PCSK5: variants seen among roughly 807,000 people sequenced by gnomAD.
PCSK5 encodes prohormone convertase 5.
A neutral mutation model predicts 233.2 loss-of-function variants in PCSK5; 129 were observed. The ratio of observed to expected loss-of-function variants is 0.55; its 90% CI spans 0.48 to 0.64. The LOEUF is 0.64. PCSK5 is among the 30% of genes least tolerant of loss of function. The pLI, the probability that PCSK5 is intolerant of heterozygous loss-of-function variation, is 0.00. For missense variants in PCSK5, 2,076 were observed against 2,430.1 expected (o/e 0.85, Z 3.06); for synonymous variants, 825 against 879.2 (o/e 0.94, Z 1.09).
rs868552862 is a variant in PCSK5, at chr9:75,948,179, A to G, written c.297+15696A>G. Among the ~76,000 whole-genome samples the G allele has an allele frequency of 3.4e-4, 51 of 151,996 alleles. 1 individual carries two copies. The highest frequency in any genetic ancestry group is 1.2e-3 in the African/African-American group (50 of 41,356). ...AGATAAATATATATATTTTTATTATACTTTAAGTTCTAGGGTACATGTGTA... is the reference window on the plus strand; with the variant it reads ...AGATAAATATATATATTTTTATTATGCTTTAAGTTCTAGGGTACATGTGTA... On this transcript the variant is annotated intron_variant, in intron 2 of 37. Transcript: ENST00000674117.
At chr9:76,089,885 C>G (rs1357754775) in intron 7 of PCSK5, among the ~76,000 whole-genome samples, 1 of 152,146 alleles carries the variant, frequency 6.6e-6, no homozygotes, top group Middle Eastern at 3.2e-3. Flanking sequence ...CAATTCTTTT[C>G]TATCCTTTAA....
chr9:75,997,816 T>C (rs1827086612), intron 3 of PCSK5, among the ~76,000 whole-genome samples: 1 of 152,240 alleles, frequency 6.6e-6, no homozygotes, highest in Non-Finnish European at 1.5e-5. Context: ...CCAGTCAGTT[T>C]GTCTGGATGG....
At chr9:76,349,424 A>G (rs1441010950) in intron 35 of PCSK5, among the ~76,000 whole-genome samples, 1 of 152,230 alleles carries the variant, frequency 6.6e-6, no homozygotes, top group African/African-American at 2.4e-5. Flanking sequence ...GAGCTAAGAT[A>G]AAAATAAAGT....
rs528308831 is a variant in PCSK5, at chr9:75,911,535, A to G, written c.192+20162A>G. 1.8e-4 allele frequency among the ~76,000 whole-genome samples: 28 copies of G among 152,324 alleles called. No individual in the cohort carries two copies. The South Asian group carries it at 4.3e-3, about 24-fold the overall frequency. On this transcript the variant is annotated intron_variant, in intron 1 of 37. Coordinates refer to ENST00000674117, the MANE Select transcript of PCSK5 (RefSeq NM_001372043.1). ...CGTTCTTGGAACTTATGTGCTCATC[A>G]GAAGAGTGTGCCAACTTGCTTAGAA...
intron 10 of PCSK5, among the ~76,000 whole-genome samples, chr9:76,149,728 A>G (rs1823585469): frequency 6.6e-6 from 1 of 152,154 alleles, no homozygotes; most frequent in Admixed American, 6.5e-5. Context: ...TGGGATCTGG[A>G]TATGATGTGG....
intron 9 of PCSK5, among the ~76,000 whole-genome samples, chr9:76,122,409 T>A (rs1027632651): frequency 6.6e-5 from 10 of 152,210 alleles, no homozygotes; most frequent in Non-Finnish European, 1.5e-5. Context: ...GACTGTTATT[T>A]TCTAATGATA....
intron 20 of PCSK5, among the ~76,000 whole-genome samples, chr9:76,204,390 T>C (rs1825030052): frequency 6.6e-6 from 1 of 152,178 alleles, no homozygotes; most frequent in Non-Finnish European, 1.5e-5. Flanking sequence ...CGAAGTCTGA[T>C]ACCCCTACAC....
At chr9:76,293,934 C>A (rs923092198) in intron 25 of PCSK5, among the ~76,000 whole-genome samples, 1 of 152,298 alleles carries the variant, frequency 6.6e-6, no homozygotes, top group African/African-American at 2.4e-5. Context: ...TGTTGGCTCA[C>A]GCCTGTAATC....
intron 28 of PCSK5, among the ~76,000 whole-genome samples, chr9:76,308,301 A>C (rs1159137543): frequency 6.6e-6 from 1 of 152,252 alleles, no homozygotes; most frequent in Non-Finnish European, 1.5e-5. Flanking sequence ...ACACAAATAC[A>C]AACTCACTCC....
intron 9 of PCSK5, among the ~76,000 whole-genome samples, chr9:76,133,289 G>A (rs565237201): frequency 3.3e-4 from 50 of 152,184 alleles, no homozygotes; most frequent in Admixed American, 1.9e-3. Flanking sequence ...GCATGCATGC[G>A]CTGAGTCAAA....
chr9:76,208,724 T>C (rs996472565), intron 20 of PCSK5, among the ~76,000 whole-genome samples: 3 of 152,214 alleles, frequency 2.0e-5, no homozygotes, highest in African/African-American at 4.8e-5. Flanking sequence ...GTTCAAAAGG[T>C]AAATTCACCA....
rs181610697 is a variant in PCSK5 at position 76,064,984 on chromosome 9, G to A, written c.633-2971G>A. Among the ~76,000 whole-genome samples, 4 of 152,338 alleles carry A rather than the reference G, an allele frequency of 2.6e-5. No individual in the cohort carries two copies. In the East Asian group the frequency reaches 7.7e-4, roughly 29 times the overall value. ...TTACAGGCATGGGCCACTGCATCTG[G>A]CCAGGATTTCATTCTGTTTTATGGC... On this transcript the variant is annotated intron_variant, in intron 5 of 37. Coordinates refer to ENST00000674117, the MANE Select transcript of PCSK5 (RefSeq NM_001372043.1).
intron 20 of PCSK5, among the ~76,000 whole-genome samples, chr9:76,203,881 G>A (rs139140136): frequency 1.3e-5 from 2 of 152,240 alleles, no homozygotes; most frequent in African/African-American, 4.8e-5. Flanking sequence ...AGGCTGCCTG[G>A]GTTCAAATCC....
chr9:75,969,872 CTT>C (rs35326945), intron 2 of PCSK5, among the ~76,000 whole-genome samples: 4 of 138,408 alleles, frequency 2.9e-5, no homozygotes, highest in Admixed American at 7.3e-5. Context: ...TCCAGAAATC[CTT>C]TTTTTTTTTT....
At chr9:76,282,120 CTTTTTTTT>C (rs71372059) in intron 24 of PCSK5, among the ~76,000 whole-genome samples, 9 of 14,508 alleles carry the variant, frequency 6.2e-4, no homozygotes, top group East Asian at 2.5e-3. Flanking sequence ...CTTTTCTTTG[CTTTTTTTT>C]TTTTTTTTTT....
intron 2 of PCSK5, among the ~76,000 whole-genome samples, chr9:75,962,142 G>A (rs984776526): frequency 3.3e-5 from 5 of 152,116 alleles, no homozygotes; most frequent in Admixed American, 2.0e-4. Context: ...AGGGGGCCAC[G>A]TTGAGAGAGT....
In PCSK5 at chr9:76,193,482, TTCTC is replaced by T. The variant is rs541704834; in HGVS notation, c.2626+3745_2626+3748del. On this transcript the variant is annotated intron_variant, in intron 20 of 37. Transcript: ENST00000674117. Reference sequence around the variant, plus strand: ...CTTTCTTTTCTTGCTCTCTTTTTCTTTCTCTCTCTCTCAAGTTTGTGCAGGGAGA... The same window carrying T: ...CTTTCTTTTCTTGCTCTCTTTTTCTTTCTCTCTCAAGTTTGTGCAGGGAGA... The T allele has an allele frequency of 9.4e-5, 66 of 702,306 alleles. No homozygotes were observed. The East Asian group carries it at 1.4e-3, about 14-fold the overall frequency. The allele number at this position is 702,306 out of a possible 1,614,324, so 43.5% of individuals were successfully genotyped here.
chr9:76,344,788 TGTGCAGTGGGCGGCGCA>T (rs1180958394), intron 35 of PCSK5, among the ~76,000 whole-genome samples: 1 of 152,160 alleles, frequency 6.6e-6, no homozygotes, highest in Non-Finnish European at 1.5e-5. Context: ...CCACTAGTGT[TGTGCAGTGGGCGGCGCA>T]GTGCAGTGGG....
intron 5 of PCSK5, among the ~76,000 whole-genome samples, chr9:76,053,440 T>C (rs1286871351): frequency 6.6e-6 from 1 of 152,260 alleles, no homozygotes; most frequent in Non-Finnish European, 1.5e-5. Flanking sequence ...AAATGGGTTC[T>C]TCTTTTCTAT....
Sources: gnomAD v4.1 joint callset for allele counts (sites outside exome capture counted in the v4.1 genomes callset) on GRCh38, gnomAD v4.1.1 for gene constraint, MANE v1.5 for transcripts, NCBI Gene and HGNC (gene_info 2026-07-23, HGNC 2026-07-21) for gene names.